The following HS6ST2 variants were observed in gnomAD, a reference collection of about 807,000 sequenced individuals.
HS6ST2 encodes heparan-sulfate 6-O-sulfotransferase 2.
In HS6ST2, 17 loss-of-function variants were observed where a neutral mutation model predicts 33.0. The ratio of observed to expected loss-of-function variants is 0.52; its 90% CI spans 0.35 to 0.77. HS6ST2 has a LOEUF of 0.77. Among genes scored for constraint, HS6ST2 ranks in the 30% least tolerant of loss-of-function variants. HS6ST2 has a pLI of 0.01. For missense variants in HS6ST2, 519 were observed against 551.7 expected, an observed-to-expected ratio of 0.94 and a Z score of 0.59; for synonymous variants, 248 against 237.1, an observed-to-expected ratio of 1.05 and a Z score of -0.42.
chrX:132,777,090 T>C (rs779248159), intron 2 of HS6ST2, among the ~76,000 whole-genome samples: 1 of 102,867 alleles, frequency 9.7e-6, no homozygotes, highest in East Asian at 3.0e-4. Context: ...GGGGTACAAC[T>C]GGCATCTAGT....
At chrX:132,682,835 G>A (rs2063983546) in intron 3 of HS6ST2, among the ~76,000 whole-genome samples, 1 of 110,807 alleles carries the variant, frequency 9.0e-6, no homozygotes, top group South Asian at 3.9e-4. Flanking sequence ...GCCAGGCACG[G>A]TGGCTCACAC....
At position 132,848,963 on chromosome X, in the gene HS6ST2, G is replaced by A. The variant is rs966233239; in HGVS notation, c.947+107845C>T. 2.7e-5 allele frequency among the ~76,000 whole-genome samples: 3 copies of A among 111,422 alleles called. No homozygotes were observed. The Admixed American group carries it at 2.9e-4, about 11-fold the overall frequency. Reference sequence around the variant, plus strand: ...GAAAAATCTCTTTGTCCTTGAGCTAGTAAAAAAAATTGGGTGTGCACAGGG... The same window carrying A: ...GAAAAATCTCTTTGTCCTTGAGCTAATAAAAAAAATTGGGTGTGCACAGGG... On this transcript the variant is annotated intron_variant, in intron 2 of 4. Transcript: ENST00000370833.
chrX:132,947,226 T>C (rs2066966461), intron 2 of HS6ST2, among the ~76,000 whole-genome samples: 1 of 110,235 alleles, frequency 9.1e-6, no homozygotes, highest in Non-Finnish European at 1.9e-5. Context: ...TGTGTGTGTG[T>C]GTGCGTGTAT....
At chrX:132,686,987 G>A (rs1439729139) in intron 3 of HS6ST2, among the ~76,000 whole-genome samples, 1 of 112,052 alleles carries the variant, frequency 8.9e-6, no homozygotes, top group Non-Finnish European at 1.9e-5. Flanking sequence ...ACTCCAATGA[G>A]CCATCTTCCT....
intron 2 of HS6ST2, among the ~76,000 whole-genome samples, chrX:132,782,747 T>C (rs2065026483): frequency 9.0e-6 from 1 of 111,139 alleles, no homozygotes; most frequent in Admixed American, 9.6e-5. Flanking sequence ...GGTACACCTA[T>C]GAAAATGAAT....
chrX:132,822,508 T>G (rs1569494617), intron 2 of HS6ST2, among the ~76,000 whole-genome samples: 1 of 111,767 alleles, frequency 8.9e-6, no homozygotes, highest in Non-Finnish European at 1.9e-5. Flanking sequence ...AAACTCTGCC[T>G]GGACTCCTGA....
chrX:132,906,603 A>G (rs1182146371), intron 2 of HS6ST2, among the ~76,000 whole-genome samples: 2 of 111,308 alleles, frequency 1.8e-5, no homozygotes, highest in Admixed American at 9.5e-5. Flanking sequence ...ATGAGGGTAG[A>G]TCCCTCGTGA....
chrX:132,774,979 C>T (rs2064942875), intron 2 of HS6ST2, among the ~76,000 whole-genome samples: 4 of 111,060 alleles, frequency 3.6e-5, no homozygotes, highest in Admixed American at 2.9e-4. Flanking sequence ...CTGTGCCCGG[C>T]CCAAAGTACC....
Position 132,957,227 on chromosome X carries a change from TGTGCCGG to T in HS6ST2, c.521_527del (p.Pro174GlnfsTer44). 8.3e-7 allele frequency: 1 copy of T among 1,208,452 alleles called. No homozygotes were observed. The highest frequency in any genetic ancestry group is 1.1e-6 in the Non-Finnish European group (1 of 893,637). On this transcript the variant is annotated frameshift_variant, in exon 2 of 5. Transcript: ENST00000370833. LOFTEE classifies it high-confidence loss of function. Reference sequence around the variant, plus strand: ...CCTGCAGGCGGAGGAGCTGGCATTCTGTGCCGGGGCACACGTATTGGAGGACGATCAC... The same window carrying T: ...CCTGCAGGCGGAGGAGCTGGCATTCTGGCACACGTATTGGAGGACGATCAC...
intron 2 of HS6ST2, among the ~76,000 whole-genome samples, chrX:132,939,233 T>G (rs1193359408): frequency 1.8e-5 from 2 of 111,473 alleles, no homozygotes; most frequent in Non-Finnish European, 3.8e-5. Context: ...ACATCCAAAC[T>G]CTATCATTTG....
intron 2 of HS6ST2, among the ~76,000 whole-genome samples, chrX:132,844,489 C>T (rs2065733237): frequency 9.0e-6 from 1 of 111,240 alleles, no homozygotes; most frequent in African/African-American, 3.3e-5. Flanking sequence ...GCTAATTTTT[C>T]CCTTCTCATC....
chrX:132,801,928 A>G (rs1467441404), intron 2 of HS6ST2, among the ~76,000 whole-genome samples: 1 of 111,995 alleles, frequency 8.9e-6, no homozygotes, highest in East Asian at 2.8e-4. Context: ...TAACAGATAA[A>G]TACAGGATGA....
chrX:132,758,223 T>C (rs1338551082), intron 2 of HS6ST2: 1 of 112,366 alleles, frequency 8.9e-6, no homozygotes, highest in Non-Finnish European at 1.9e-5. Context: ...AAGTAGGAAC[T>C]GTGAATAAAT....
At chrX:132,915,514 A>G (rs931779752) in intron 2 of HS6ST2, among the ~76,000 whole-genome samples, 1 of 111,495 alleles carries the variant, frequency 9.0e-6, no homozygotes, top group Non-Finnish European at 1.9e-5. Context: ...AACTGTCTGC[A>G]TGATCTTGAG....
At chrX:132,711,446 A>T (rs1420070606) in intron 2 of HS6ST2, among the ~76,000 whole-genome samples, 1 of 111,808 alleles carries the variant, frequency 8.9e-6, no homozygotes, top group African/African-American at 3.3e-5. Context: ...TCCAGGTTTT[A>T]CCAATGACTC....
At chrX:132,760,173 G>A (rs779533261) in intron 2 of HS6ST2, among the ~76,000 whole-genome samples, 1 of 111,282 alleles carries the variant, frequency 9.0e-6, no homozygotes, top group African/African-American at 3.3e-5. Flanking sequence ...GGCAGAATTC[G>A]TGACTACAGC....
At chrX:132,877,944 C>G (rs1367448601) in intron 2 of HS6ST2, among the ~76,000 whole-genome samples, 1 of 110,752 alleles carries the variant, frequency 9.0e-6, no homozygotes, top group Non-Finnish European at 1.9e-5. Context: ...ACTGGCATTC[C>G]AAAAGAAGGA....
chrX:132,678,369 G>A (rs2063940726), intron 3 of HS6ST2, among the ~76,000 whole-genome samples: 1 of 111,588 alleles, frequency 9.0e-6, no homozygotes, highest in Non-Finnish European at 1.9e-5. Context: ...AGCAAACAGT[G>A]CATCTGGCTC....
intron 2 of HS6ST2, among the ~76,000 whole-genome samples, chrX:132,882,385 C>T (rs2066186684): frequency 9.3e-6 from 1 of 107,880 alleles, no homozygotes; most frequent in East Asian, 2.9e-4. Flanking sequence ...CTCTTTGAAG[C>T]AATTGTGAAT....
Sources: gnomAD v4.1 joint callset for allele counts (sites outside exome capture counted in the v4.1 genomes callset) on GRCh38, gnomAD v4.1.1 for gene constraint, MANE v1.5 for transcripts, NCBI Gene and HGNC (gene_info 2026-07-23, HGNC 2026-07-21) for gene names.